INO80: variants seen among roughly 807,000 people sequenced by gnomAD.
INO80 encodes INO80 complex ATPase subunit.
Under a neutral mutation model 203.4 loss-of-function variants are expected in INO80, and 20 were observed. The observed-to-expected ratio is 0.10, with a 90% CI of 0.07 to 0.14. The LOEUF is 0.14. INO80 is among the 10% of genes least tolerant of loss of function. The pLI is 1.00. For synonymous variants in INO80, 726 were observed against 685.2 expected (o/e 1.06, Z -0.93); for missense variants, 1,419 against 1,914.4 (o/e 0.74, Z 4.83).
Position 41,087,473 on chromosome 15 carries a change from TTA to T in INO80, c.658+87_658+88del, listed in dbSNP as rs755273745. 85 of 1,368,832 alleles carry T rather than the reference TTA, an allele frequency of 6.2e-5. 1 individual carries two copies. In the South Asian group the frequency reaches 1.1e-3, roughly 18 times the overall value. 84.8% of individuals were successfully genotyped at this position (1,368,832 alleles called of 1,614,324 possible). Reference sequence around the variant, plus strand: ...TAAAGCAAATTTCTACCATATGGACTTATATATAAAGTCCAAATGCACCAGTA... The same window carrying T: ...TAAAGCAAATTTCTACCATATGGACTTATATAAAGTCCAAATGCACCAGTA... On this transcript the variant is annotated intron_variant, in intron 6 of 35. Transcript: ENST00000648947.
At chr15:40,999,521 C>T (rs1288164325) in intron 28 of INO80, 2 of 152,160 alleles carry the variant, frequency 1.3e-5, no homozygotes, top group Non-Finnish European at 1.5e-5. Flanking sequence ...GATAACAGAC[C>T]ACGGGTGGCG....
At chr15:41,033,631 T>C (rs1223889788) in intron 24 of INO80, among the ~76,000 whole-genome samples, 1 of 152,188 alleles carries the variant, frequency 6.6e-6, no homozygotes, top group African/African-American at 2.4e-5. Context: ...AAATTCTTAA[T>C]AGCAATGCAG....
chr15:41,101,601 G>C (rs1045785236), intron 1 of INO80, among the ~76,000 whole-genome samples: 9 of 150,458 alleles, frequency 6.0e-5, no homozygotes, highest in Non-Finnish European at 3.0e-5. Flanking sequence ...CCAGGCTGGA[G>C]TGCAGTGGCG....
intron 21 of INO80, among the ~76,000 whole-genome samples, chr15:41,048,614 G>A (rs550761959): frequency 9.7e-4 from 148 of 152,268 alleles, no homozygotes; most frequent in African/African-American, 3.3e-3. Context: ...TTAACCTGGA[G>A]CTACAAATAA....
intron 14 of INO80, among the ~76,000 whole-genome samples, chr15:41,063,593 G>C (rs749107990): frequency 6.6e-6 from 1 of 152,064 alleles, no homozygotes; most frequent in South Asian, 2.1e-4. Context: ...GGCTAACATG[G>C]TGAAACCCCG....
At chr15:41,027,832 A>G in intron 24 of INO80, 96 bp from the exon 25 acceptor site, 2 of 896,096 alleles carry the variant, frequency 2.2e-6, no homozygotes, top group South Asian at 3.9e-5. Context: ...TAACTTTAAG[A>G]GCTTTCTTCC....
At chr15:41,021,850 A>G (rs1377810761) in intron 25 of INO80, among the ~76,000 whole-genome samples, 4 of 152,244 alleles carry the variant, frequency 2.6e-5, no homozygotes, top group Non-Finnish European at 5.9e-5. Flanking sequence ...GATGGAGTAG[A>G]GGGCTCCTGC....
intron 24 of INO80, among the ~76,000 whole-genome samples, chr15:41,032,369 A>G (rs141974027): frequency 7.2e-5 from 11 of 152,310 alleles, no homozygotes; most frequent in South Asian, 2.1e-4. Flanking sequence ...TTATATTTCC[A>G]TGGATATTTT....
At chr15:41,111,431 C>G (rs911342646) in intron 1 of INO80, among the ~76,000 whole-genome samples, 3 of 150,778 alleles carry the variant, frequency 2.0e-5, no homozygotes, top group Admixed American at 6.6e-5. Flanking sequence ...GGCGAGAGAG[C>G]GAGACTCCGT....
chr15:41,023,143 T>A, intron 25 of INO80: 1 of 365,996 alleles, frequency 2.7e-6, no homozygotes, highest in Non-Finnish European at 5.3e-6. Flanking sequence ...GAACTTGTTT[T>A]CTTGCTTCCA....
intron 1 of INO80, among the ~76,000 whole-genome samples, chr15:41,098,512 A>G (rs952265448): frequency 6.6e-6 from 1 of 151,956 alleles, no homozygotes; most frequent in Non-Finnish European, 1.5e-5. Context: ...TCATCTCTTC[A>G]AAAGAATTTA....
At chr15:40,998,624 C>A (rs1052609631) in intron 28 of INO80, among the ~76,000 whole-genome samples, 13 of 151,892 alleles carry the variant, frequency 8.6e-5, no homozygotes, top group African/African-American at 2.9e-4. Flanking sequence ...CTTCTGGGAA[C>A]AAGCCCATAC....
chr15:41,088,728 AAATT>A (rs2045594891), intron 5 of INO80, among the ~76,000 whole-genome samples: 1 of 152,244 alleles, frequency 6.6e-6, no homozygotes, highest in South Asian at 2.1e-4. Flanking sequence ...ATAGCCAAAT[AAATT>A]GTCTGAGGAC....
intron 23 of INO80, among the ~76,000 whole-genome samples, chr15:41,046,676 G>A (rs2044773194): frequency 6.6e-6 from 1 of 151,788 alleles, no homozygotes; most frequent in South Asian, 2.1e-4. Flanking sequence ...GGAGCGCAGT[G>A]GAGCGATCTT....
intron 28 of INO80, among the ~76,000 whole-genome samples, chr15:41,003,362 G>A (rs1348042318): frequency 1.8e-5 from 2 of 112,518 alleles, no homozygotes; most frequent in South Asian, 3.1e-4. Flanking sequence ...ATGGAGTCTC[G>A]CTCTGTCACC....
At position 41,085,598 on chromosome 15, in the gene INO80, G is replaced by T; in HGVS notation, c.659-15C>A. On this transcript the variant is annotated splice_polypyrimidine_tract_variant and intron_variant, in intron 6 of 35. Coordinates refer to ENST00000648947, the MANE Select transcript of INO80 (RefSeq NM_017553.3). ...TTTCAACTTAGCTGCAAAAGAAACA[G>T]ATGCAACAGGTTGCACTTCCACAGG... The T allele has an allele frequency of 6.2e-7, 1 of 1,607,464 alleles. No individual in the cohort carries two copies.
Position 41,079,709 on chromosome 15 carries a change from T to C in INO80, c.1123A>G (p.Met375Val). 1 of 1,614,124 alleles carries C rather than the reference T, an allele frequency of 6.2e-7. No individual in the cohort carries two copies. The highest frequency in any genetic ancestry group is 1.3e-5 in the African/African-American group (1 of 75,050). The change falls in exon 9 of 36, where the codon ATG (methionine) becomes GTG (valine). Residue 375 changes from methionine (M) to valine (V), a missense_variant. Met to Val is a conservative substitution (Grantham distance 21). This residue lies in a region of INO80 where 87 missense variants were observed against 150.5 expected (regional missense o/e 0.58). Transcript: ENST00000648947. ...ALEQRKLDEE[M>V]REAKRQQRKL... Reference sequence around the variant, plus strand: ...TTATGCTTTTGCCCTACCTCCCGCATTTCCTCATCCAACTTCCGCTGCTCC... The same window carrying C: ...TTATGCTTTTGCCCTACCTCCCGCACTTCCTCATCCAACTTCCGCTGCTCC...
chr15:41,083,548 A>C (rs949722528), intron 7 of INO80, among the ~76,000 whole-genome samples: 2 of 151,610 alleles, frequency 1.3e-5, no homozygotes, highest in Non-Finnish European at 2.9e-5. Flanking sequence ...TCTTCCAAAA[A>C]TACAAAAATT....
chr15:41,025,058 C>T (rs2044355260), intron 25 of INO80, among the ~76,000 whole-genome samples: 1 of 152,188 alleles, frequency 6.6e-6, no homozygotes, highest in African/African-American at 2.4e-5. Flanking sequence ...TGTAAAGAAA[C>T]TCTACAAACA....
Sources: allele counts gnomAD v4.1 joint callset (sites outside exome capture counted in the v4.1 genomes callset), GRCh38; gene constraint gnomAD v4.1.1; regional missense constraint gnomAD v4.1.1; transcripts MANE v1.5; gene names NCBI Gene and HGNC (gene_info 2026-07-23, HGNC 2026-07-21).